CTNNA3: variants seen among roughly 807,000 people sequenced by gnomAD.
The protein encoded by CTNNA3 is catenin alpha 3, also known as catenin alpha-3.
In CTNNA3, 76 loss-of-function variants were observed where a neutral mutation model predicts 95.7. The ratio of observed to expected loss-of-function variants is 0.79; its 90% CI spans 0.66 to 0.96. The LOEUF is 0.96. Ranked by LOEUF, CTNNA3 falls within the 40% of genes least tolerant of loss-of-function variation. The probability of loss-of-function intolerance (pLI) is 0.00; values close to 1 mark genes in which losing one functional copy is unlikely to be tolerated. For missense variants in CTNNA3, 1,191 were observed against 1,089.8 expected (o/e 1.09, Z -1.31); for synonymous variants, 431 against 374.4 (o/e 1.15, Z -1.74).
Position 66,448,024 on chromosome 10 carries a change from G to A in CTNNA3, c.1532-68672C>T, listed in dbSNP as rs867585362. Among the ~76,000 whole-genome samples, 592 of 152,196 alleles carry A rather than the reference G, an allele frequency of 3.9e-3. 3 individuals carry two copies. The highest frequency in any genetic ancestry group is 0.014 in the African/African-American group (571 of 41,534). On this transcript the variant is annotated intron_variant, in intron 11 of 17. Coordinates refer to ENST00000433211, the MANE Select transcript of CTNNA3 (RefSeq NM_013266.4). ...ATCAAAAAGTGGGCGAAGGATATGA[G>A]CAGATACTTCTCAAAAGAAGACATT...
chr10:66,554,483 A>T (rs1055121961), intron 10 of CTNNA3, among the ~76,000 whole-genome samples: 3 of 152,164 alleles, frequency 2.0e-5, no homozygotes, highest in African/African-American at 7.2e-5. Context: ...TTCCAATGGC[A>T]AATATGCCAG....
At chr10:66,245,190 A>T (rs2132050950) in intron 13 of CTNNA3, among the ~76,000 whole-genome samples, 1 of 152,336 alleles carries the variant, frequency 6.6e-6, no homozygotes, top group African/African-American at 2.4e-5. Context: ...AGTGGGGCAG[A>T]CAGCTACAGG....
intron 13 of CTNNA3, among the ~76,000 whole-genome samples, chr10:66,118,817 G>A (rs1375299268): frequency 6.6e-6 from 1 of 152,040 alleles, no homozygotes; most frequent in Non-Finnish European, 1.5e-5. Flanking sequence ...CTATCTACTT[G>A]GTTTAATTGA....
At position 67,126,480 on chromosome 10, in the gene CTNNA3, C is replaced by T. The variant is rs74799716; in HGVS notation, c.1047+53837G>A. 8.7e-3 allele frequency among the ~76,000 whole-genome samples: 1,328 copies of T among 152,300 alleles called. 12 individuals are homozygous for T. The highest frequency in any genetic ancestry group is 0.028 in the African/African-American group (1,177 of 41,558). On this transcript the variant is annotated intron_variant, in intron 7 of 17. Transcript: ENST00000433211. ...AGGCGGAGCCAAGATTGTGCCATTG[C>T]ACTTGGCTTGCAGCGAGCCAAGATT...
chr10:67,026,388 TA>T (rs1169958397), intron 7 of CTNNA3, among the ~76,000 whole-genome samples: 1 of 152,058 alleles, frequency 6.6e-6, no homozygotes, highest in Non-Finnish European at 1.5e-5. Flanking sequence ...TAAATATTTT[TA>T]TATTTGTAAA....
At chr10:66,547,057 C>T (rs574464520) in intron 10 of CTNNA3, among the ~76,000 whole-genome samples, 8 of 152,122 alleles carry the variant, frequency 5.3e-5, no homozygotes, top group African/African-American at 1.9e-4. Flanking sequence ...TTGATTTCTT[C>T]TAATTCTGGA....
At chr10:67,196,822 A>G (rs1863392379) in intron 6 of CTNNA3, among the ~76,000 whole-genome samples, 1 of 152,110 alleles carries the variant, frequency 6.6e-6, no homozygotes. Flanking sequence ...TGAATATTAT[A>G]TTGAATTAAT....
chr10:67,403,174 T>C (rs1387619886), intron 5 of CTNNA3, among the ~76,000 whole-genome samples: 1 of 152,178 alleles, frequency 6.6e-6, no homozygotes, highest in African/African-American at 2.4e-5. Flanking sequence ...GCACAGCTGC[T>C]CTATGAAAAT....
At chr10:67,351,679 C>T (rs2132645517) in intron 5 of CTNNA3, among the ~76,000 whole-genome samples, 1 of 152,010 alleles carries the variant, frequency 6.6e-6, no homozygotes, top group South Asian at 2.1e-4. Context: ...AGTTATTTTT[C>T]TGAGAGAAGC....
At chr10:67,382,066 G>A (rs888723994) in intron 5 of CTNNA3, among the ~76,000 whole-genome samples, 1 of 152,082 alleles carries the variant, frequency 6.6e-6, no homozygotes, top group African/African-American at 2.4e-5. Context: ...TTGACTAACA[G>A]TTTATGAGAA....
Position 66,249,832 on chromosome 10 carries a change from C to G in CTNNA3, c.1884+30638G>C, listed in dbSNP as rs116935734. On this transcript the variant is annotated intron_variant, in intron 13 of 17. Coordinates refer to ENST00000433211, the MANE Select transcript of CTNNA3 (RefSeq NM_013266.4). Reference sequence around the variant, plus strand: ...GAGCGAGACTCCATCTCAAAACAAACAAAGAAACAAACAAACAAAAACTAA... The same window carrying G: ...GAGCGAGACTCCATCTCAAAACAAAGAAAGAAACAAACAAACAAAAACTAA... 8.1e-3 allele frequency among the ~76,000 whole-genome samples: 1,238 copies of G among 152,132 alleles called. 10 individuals carry two copies. The highest frequency in any genetic ancestry group is 0.032 in the East Asian group (166 of 5,164).
chr10:66,683,565 T>G (rs1434087080), intron 9 of CTNNA3, among the ~76,000 whole-genome samples: 1 of 152,200 alleles, frequency 6.6e-6, no homozygotes, highest in African/African-American at 2.4e-5. Flanking sequence ...ACTGCAGATC[T>G]TATCCATATT....
chr10:66,364,255 C>T (rs759401514), intron 12 of CTNNA3, among the ~76,000 whole-genome samples: 4 of 151,348 alleles, frequency 2.6e-5, no homozygotes, highest in Non-Finnish European at 2.9e-5. Flanking sequence ...AAAATATGGA[C>T]AAAATGTCCA....
At chr10:66,658,222 C>T (rs911086401) in intron 9 of CTNNA3, among the ~76,000 whole-genome samples, 4 of 110,938 alleles carry the variant, frequency 3.6e-5, no homozygotes, top group Admixed American at 9.2e-5. Flanking sequence ...TTCTCTCTCT[C>T]TCTTTCTCTC....
intron 5 of CTNNA3, among the ~76,000 whole-genome samples, chr10:67,365,635 T>C (rs1019775676): frequency 1.3e-5 from 2 of 152,226 alleles, no homozygotes; most frequent in Non-Finnish European, 2.9e-5. Flanking sequence ...ATGCTCATCA[T>C]CACTGGTCAT....
intron 5 of CTNNA3, among the ~76,000 whole-genome samples, chr10:67,247,606 T>A (rs765153325): frequency 1.3e-4 from 20 of 152,132 alleles, no homozygotes; most frequent in Non-Finnish European, 2.9e-4. Context: ...TTAATGTAAT[T>A]TCTATCAAAA....
At chr10:67,144,360 C>G (rs1860742956) in intron 7 of CTNNA3, among the ~76,000 whole-genome samples, 1 of 152,194 alleles carries the variant, frequency 6.6e-6, no homozygotes, top group South Asian at 2.1e-4. Context: ...ACATTAGCAT[C>G]TAACAAAAGA....
intron 4 of CTNNA3, among the ~76,000 whole-genome samples, chr10:67,531,802 C>A (rs925911258): frequency 1.3e-5 from 2 of 152,142 alleles, no homozygotes; most frequent in African/African-American, 2.4e-5. Flanking sequence ...TTGTAACTCT[C>A]ACAATTCCCA....
chr10:65,967,894 A>G (rs2078009399), intron 16 of CTNNA3, among the ~76,000 whole-genome samples: 2 of 152,232 alleles, frequency 1.3e-5, no homozygotes, highest in African/African-American at 2.4e-5. Flanking sequence ...TTGTAGCATT[A>G]TGTATAATAA....
Sources: allele counts gnomAD v4.1 joint callset (sites outside exome capture counted in the v4.1 genomes callset), GRCh38; gene constraint gnomAD v4.1.1; transcripts MANE v1.5; gene names NCBI Gene and HGNC (gene_info 2026-07-23, HGNC 2026-07-21).